Variants in PROX1 observed in about 807,000 individuals in gnomAD.
PROX1 encodes prospero homeobox 1, also known as prospero homeobox protein 1.
PROX1 carries 7 observed loss-of-function variants against 58.8 expected under a neutral mutation model. That is an observed-to-expected ratio of 0.12 (90% CI 0.07 to 0.22). The LOEUF is 0.22. PROX1 is among the 10% of genes least tolerant of loss of function. The pLI, the probability that PROX1 is intolerant of heterozygous loss-of-function variation, is 1.00. For synonymous variants in PROX1, 350 were observed against 358.3 expected (o/e 0.98, Z 0.26); for missense variants, 675 against 927.8 (o/e 0.73, Z 3.54).
At chr1:213,994,799 A>ATATATATCTATATC (rs1558167642) in intron 1 of PROX1, among the ~76,000 whole-genome samples, 2 of 119,600 alleles carry the variant, frequency 1.7e-5, no homozygotes, top group African/African-American at 7.0e-5. Context: ...ATATATATAT[A>ATATATATCTATATC]TATAAAGAGG....
chr1:214,006,619 C>T (rs1293199814), intron 3 of PROX1, among the ~76,000 whole-genome samples: 1 of 152,162 alleles, frequency 6.6e-6, no homozygotes, highest in Admixed American at 6.5e-5. Context: ...CTAGAATACA[C>T]AAATTGAAGG....
intron 4 of PROX1, among the ~76,000 whole-genome samples, chr1:214,019,199 C>T (rs768586277): frequency 2.6e-5 from 4 of 152,164 alleles, no homozygotes; most frequent in Non-Finnish European, 5.9e-5. Flanking sequence ...TGCTTTTGCA[C>T]TCACTTTGAG....
chr1:214,035,145 C>A (rs919827172), intron 4 of PROX1, among the ~76,000 whole-genome samples: 3 of 152,138 alleles, frequency 2.0e-5, no homozygotes, highest in Non-Finnish European at 2.9e-5. Flanking sequence ...CAACAATCCT[C>A]TGAGACAAAC....
upstream of PROX1, among the ~76,000 whole-genome samples, chr1:213,983,521 C>T (rs557942363): frequency 7.7e-4 from 118 of 152,324 alleles, 4 homozygotes; most frequent in South Asian, 0.024. Context: ...CAAAGGTGTC[C>T]CCTTCACACT....
intron 1 of PROX1, 87 bp from the exon 2 acceptor site, chr1:213,996,382 A>G (rs781603817): frequency 2.0e-5 from 16 of 813,678 alleles, no homozygotes; most frequent in Non-Finnish European, 2.8e-5. Context: ...GAGCCTATGC[A>G]TTTTGCATTT....
chr1:214,005,848 A>G (rs1663689227), intron 3 of PROX1, among the ~76,000 whole-genome samples: 1 of 152,196 alleles, frequency 6.6e-6, no homozygotes, highest in Non-Finnish European at 1.5e-5. Flanking sequence ...AGGACACATT[A>G]TTCAAATGAG....
chr1:213,986,990 A>G (rs2102671316), upstream of PROX1, among the ~76,000 whole-genome samples: 1 of 152,354 alleles, frequency 6.6e-6, no homozygotes, highest in African/African-American at 2.4e-5. Context: ...TTCTTGCCTA[A>G]TAAACTTTAA....
At chr1:213,995,161 C>T (rs911622746) in intron 1 of PROX1, among the ~76,000 whole-genome samples, 5 of 151,500 alleles carry the variant, frequency 3.3e-5, no homozygotes, top group Admixed American at 2.0e-4. Flanking sequence ...GTTAAGCAAA[C>T]GTGAAGTTTA....
chr1:214,013,830 G>T (rs2102736621), intron 4 of PROX1, among the ~76,000 whole-genome samples: 1 of 152,226 alleles, frequency 6.6e-6, no homozygotes, highest in South Asian at 2.1e-4. Flanking sequence ...GGAGTATGGG[G>T]CCCGGGCAGG....
upstream of PROX1, chr1:213,984,093 A>G (rs1662767245): frequency 6.6e-6 from 1 of 152,190 alleles, no homozygotes; most frequent in East Asian, 1.9e-4. Flanking sequence ...CCCAGCCTAC[A>G]CTTCACTACT....
intron 4 of PROX1, among the ~76,000 whole-genome samples, chr1:214,015,260 G>A (rs558165890): frequency 2.0e-5 from 3 of 152,294 alleles, no homozygotes; most frequent in East Asian, 3.9e-4. Flanking sequence ...GCTTCTGTGC[G>A]TGAGTGTGTG....
At chr1:214,004,641 T>G (rs1295466008) in intron 2 of PROX1, among the ~76,000 whole-genome samples, 1 of 152,182 alleles carries the variant, frequency 6.6e-6, no homozygotes, top group African/African-American at 2.4e-5. Context: ...GATGCTCCAT[T>G]AGATTAACAC....
chr1:213,996,823 G>C lies in PROX1; in HGVS notation c.288G>C (p.Leu96=). 6.2e-7 allele frequency: 1 copy of C among 1,614,118 alleles called. No homozygotes were observed. The highest frequency in any genetic ancestry group is 8.5e-7 in the Non-Finnish European group (1 of 1,180,024). The change falls in exon 2 of 5, where the codon CTG becomes CTC. Residue 96 remains leucine, a synonymous_variant. Coordinates refer to ENST00000366958, the MANE Select transcript of PROX1 (RefSeq NM_001270616.2). ...PFPGATIISQ[L]LKNNMNKNGG... is the part of the protein sequence containing the mutation. ...CAGGAGCAACCATAATTTCCCAGCT[G>C]TTGAAAAATAACATGAACAAAAATG...
intron 1 of PROX1, among the ~76,000 whole-genome samples, chr1:213,992,853 A>G (rs979176726): frequency 6.6e-6 from 1 of 152,162 alleles, no homozygotes; most frequent in Non-Finnish European, 1.5e-5. Context: ...GCACTTAACC[A>G]CTTTATACTT....
At chr1:213,992,353 G>A (rs1342073988) in intron 1 of PROX1, among the ~76,000 whole-genome samples, 1 of 152,064 alleles carries the variant, frequency 6.6e-6, no homozygotes, top group Admixed American at 6.5e-5. Context: ...AACCTGATAG[G>A]GAGCAGAAAT....
intron 4 of PROX1, among the ~76,000 whole-genome samples, chr1:214,015,947 G>A (rs1243981822): frequency 2.0e-5 from 3 of 152,056 alleles, no homozygotes; most frequent in African/African-American, 4.8e-5. Flanking sequence ...CCCTATCCTC[G>A]CTAAAGGCCC....
In PROX1 at chr1:213,996,411, G is replaced by C. The variant is rs1197762037; in HGVS notation, c.-67-58G>C. 4 of 1,215,314 alleles carry C rather than the reference G, an allele frequency of 3.3e-6. No individual in the cohort carries two copies. The African/African-American group carries it at 4.6e-5, about 14-fold the overall frequency. 75.3% of individuals were successfully genotyped at this position (1,215,314 alleles called of 1,614,324 possible). On this transcript the variant is annotated intron_variant, in intron 1 of 4. Coordinates refer to ENST00000366958, the MANE Select transcript of PROX1 (RefSeq NM_001270616.2). Reference sequence around the variant, plus strand: ...TGCATTTGATTCAGGATTGAGGTCAGGAAATTTGGAGAAATTTAAAGAAAA... The same window carrying C: ...TGCATTTGATTCAGGATTGAGGTCACGAAATTTGGAGAAATTTAAAGAAAA...
In PROX1 at chr1:214,037,119, A is replaced by C. The variant is rs1664853142; in HGVS notation, c.*1285A>C. On this transcript the variant is annotated 3_prime_UTR_variant, in exon 5 of 5. Coordinates refer to ENST00000366958, the MANE Select transcript of PROX1 (RefSeq NM_001270616.2). ...ACATAAGAAAGCTAGCTGCTATTTT[A>C]TGCTTTCTTCCATGGTTCTCCTCTT... The C allele has an allele frequency of 6.6e-6, 1 of 152,212 alleles. No individual in the cohort carries two copies. Among genetic ancestry groups the C allele is most frequent in the South Asian group, 2.1e-4 (1 of 4,830 alleles). 9.4% of individuals were successfully genotyped at this position (152,212 alleles called of 1,614,324 possible). A position where few individuals can be genotyped will look rare whatever the true frequency, so the allele number is the denominator to read the frequency against.
chr1:213,995,128 C>T (rs762889247), intron 1 of PROX1, among the ~76,000 whole-genome samples: 1 of 151,946 alleles, frequency 6.6e-6, no homozygotes, highest in South Asian at 2.1e-4. Context: ...GCAATGGACC[C>T]TGTTATTGTG....
Sources: allele counts gnomAD v4.1 joint callset (sites outside exome capture counted in the v4.1 genomes callset), GRCh38; gene constraint gnomAD v4.1.1; transcripts MANE v1.5; gene names NCBI Gene and HGNC (gene_info 2026-07-23, HGNC 2026-07-21).